Variants in SLC9C1 observed in about 807,000 individuals in gnomAD.
SLC9C1 encodes the protein solute carrier family 9 member C1.
Under a neutral mutation model 140.9 loss-of-function variants are expected in SLC9C1, and 97 were observed. That is an observed-to-expected ratio of 0.69 (90% CI 0.58 to 0.82). The LOEUF (loss-of-function observed/expected upper bound fraction) is 0.82. SLC9C1 is among the 40% of genes least tolerant of loss of function. The pLI is 0.00. For missense variants in SLC9C1, 1,340 were observed against 1,389.3 expected (o/e 0.96, Z 0.56); for synonymous variants, 440 against 442.6 (o/e 0.99, Z 0.07).
chr3:112,200,610 G>T, intron 19 of SLC9C1, 101 bp downstream of exon 19: 1 of 1,001,262 alleles, frequency 1.0e-6, no homozygotes, highest in Non-Finnish European at 1.5e-6. Context: ...TTGTTAGTGA[G>T]TAGGTTTCCT....
At chr3:112,224,288 C>G (rs867846354) in intron 13 of SLC9C1, among the ~76,000 whole-genome samples, 2 of 152,310 alleles carry the variant, frequency 1.3e-5, no homozygotes, top group Non-Finnish European at 1.5e-5. Flanking sequence ...CCCTACCCAA[C>G]TGACACCCTG....
intron 10 of SLC9C1, 83 bp downstream of exon 10, chr3:112,262,841 C>G: frequency 8.5e-7 from 1 of 1,173,074 alleles, no homozygotes; most frequent in Non-Finnish European, 1.1e-6. Flanking sequence ...AGTTGAGCTA[C>G]CTCACTACAA....
At chr3:112,285,056 G>T (rs1374831245) in intron 2 of SLC9C1, among the ~76,000 whole-genome samples, 1 of 128,918 alleles carries the variant, frequency 7.8e-6, no homozygotes, top group Non-Finnish European at 1.5e-5. Flanking sequence ...GCATGATCTC[G>T]GCTCACTGCA....
intron 28 of SLC9C1, among the ~76,000 whole-genome samples, chr3:112,150,840 A>ATATT (rs1331641000): frequency 1.2e-4 from 7 of 57,322 alleles, no homozygotes; most frequent in Middle Eastern, 7.7e-3. Context: ...ATATATATAT[A>ATATT]TTTTTTTTTT....
rs764165486 is a variant in SLC9C1, at chr3:112,202,419, C to A, written c.2173-20G>T. On this transcript the variant is annotated intron_variant, in intron 17 of 28. Coordinates refer to ENST00000305815, the MANE Select transcript of SLC9C1 (RefSeq NM_183061.3). ...TATGAGCTGAATTAAACAGGACTTC[C>A]ATTAATATAAATTGCACAAATATCA... 10 of 1,563,726 alleles carry A rather than the reference C, an allele frequency of 6.4e-6. No homozygotes were observed. The highest frequency in any genetic ancestry group is 4.1e-4 in the Middle Eastern group (2 of 4,874).
intron 20 of SLC9C1, among the ~76,000 whole-genome samples, chr3:112,197,825 A>G (rs2077805369): frequency 6.6e-6 from 1 of 152,160 alleles, no homozygotes; most frequent in African/African-American, 2.4e-5. Flanking sequence ...AATTTTAATT[A>G]AGGTTTATTA....
At chr3:112,206,014 A>C (rs1372006268) in intron 16 of SLC9C1, among the ~76,000 whole-genome samples, 1 of 110,038 alleles carries the variant, frequency 9.1e-6, no homozygotes, top group Non-Finnish European at 2.0e-5. Flanking sequence ...GATCTAATTA[A>C]ACTAAAGAGC....
intron 10 of SLC9C1, among the ~76,000 whole-genome samples, chr3:112,253,049 A>G (rs2079507709): frequency 2.6e-5 from 4 of 152,192 alleles, no homozygotes; most frequent in Admixed American, 2.0e-4. Flanking sequence ...CTGCCAGCAT[A>G]CCACAGCATC....
chr3:112,170,949 C>T (rs1469613914), intron 23 of SLC9C1, among the ~76,000 whole-genome samples: 1 of 152,226 alleles, frequency 6.6e-6, no homozygotes, highest in African/African-American at 2.4e-5. Context: ...CGTGGTGGCT[C>T]ATGCCTGTAA....
At chr3:112,161,854 C>T (rs1391408723) in intron 26 of SLC9C1, among the ~76,000 whole-genome samples, 1 of 149,658 alleles carries the variant, frequency 6.7e-6, no homozygotes, top group Admixed American at 6.7e-5. Context: ...TGTAAATTAC[C>T]TTGGGCAGTA....
Position 112,180,670 on chromosome 3 carries a change from A to T in SLC9C1, c.2650-8T>A, listed in dbSNP as rs201300522. ...TACAACTTTGGCTTTTTCCTAAAAG[A>T]TACCACCAAATACATAAACTATAAA... On this transcript the variant is annotated splice_region_variant and splice_polypyrimidine_tract_variant and intron_variant, in intron 21 of 28. Coordinates refer to ENST00000305815, the MANE Select transcript of SLC9C1 (RefSeq NM_183061.3). The T allele has an allele frequency of 1.3e-6, 2 of 1,571,152 alleles. No homozygotes were observed. The highest frequency in any genetic ancestry group is 1.7e-6 in the Non-Finnish European group (2 of 1,145,504).
In SLC9C1 at chr3:112,173,233, T is replaced by TA. The variant is rs886936919; in HGVS notation, c.2920-3906dup. Reference sequence around the variant, plus strand: ...AAAATCTCAGTATGTATAGTACTATTAAAAAGTTCTAGTCCTTAAGTAAAT... The same window carrying TA: ...AAAATCTCAGTATGTATAGTACTATTAAAAAAGTTCTAGTCCTTAAGTAAAT... On this transcript the variant is annotated intron_variant, in intron 23 of 28. Coordinates refer to ENST00000305815, the MANE Select transcript of SLC9C1 (RefSeq NM_183061.3). Among the ~76,000 whole-genome samples the TA allele has an allele frequency of 2.4e-4, 36 of 152,234 alleles. 2 individuals carry two copies. Among genetic ancestry groups the TA allele is most frequent in the Non-Finnish European group, 4.4e-5 (3 of 68,024 alleles).
intron 21 of SLC9C1, among the ~76,000 whole-genome samples, chr3:112,181,050 C>T (rs189419985): frequency 6.6e-6 from 1 of 152,254 alleles, no homozygotes; most frequent in Non-Finnish European, 1.5e-5. Flanking sequence ...GCCACCATAC[C>T]CGGCCTAAAA....
intron 20 of SLC9C1, among the ~76,000 whole-genome samples, chr3:112,182,676 T>A (rs1337746683): frequency 6.6e-6 from 1 of 152,162 alleles, no homozygotes; most frequent in Non-Finnish European, 1.5e-5. Context: ...AAATGTTCAC[T>A]CAAAGAATAT....
intron 20 of SLC9C1, among the ~76,000 whole-genome samples, chr3:112,186,194 CTT>C (rs145440925): frequency 6.5e-4 from 99 of 152,134 alleles, no homozygotes; most frequent in African/African-American, 2.3e-3. Flanking sequence ...TTTTAGTTCT[CTT>C]AATTTTTTAA....
At chr3:112,242,577 C>CA (rs1257499697) in intron 11 of SLC9C1, among the ~76,000 whole-genome samples, 2 of 151,786 alleles carry the variant, frequency 1.3e-5, no homozygotes, top group Non-Finnish European at 2.9e-5. Flanking sequence ...TTAATGCATT[C>CA]AAAAAATAGA....
At chr3:112,285,623 T>A (rs114895156) in intron 2 of SLC9C1, among the ~76,000 whole-genome samples, 1 of 152,262 alleles carries the variant, frequency 6.6e-6, no homozygotes, top group Non-Finnish European at 1.5e-5. Flanking sequence ...CTGCATAATT[T>A]CAGCTTGCAT....
intron 26 of SLC9C1, among the ~76,000 whole-genome samples, chr3:112,163,500 T>C (rs2075369352): frequency 6.6e-6 from 1 of 151,940 alleles, no homozygotes; most frequent in Admixed American, 6.6e-5. Context: ...TCAAAGAACA[T>C]CTTTATTTCT....
chr3:112,169,199 C>G lies in SLC9C1; in HGVS notation c.3049G>C (p.Glu1017Gln). ...ARKIREHLSYEDWNYNMQLKL... is the reference protein window; with the variant it reads ...ARKIREHLSYQDWNYNMQLKL... Reference sequence around the variant, plus strand: ...AAGTTTATACAAGCACTTCCTACCTCATAAGATAAGTGTTCTCTGATTTTT... The same window carrying G: ...AAGTTTATACAAGCACTTCCTACCTGATAAGATAAGTGTTCTCTGATTTTT... The change falls in exon 24 of 29, where the codon GAG becomes CAG. Residue 1017 changes from glutamate (E) to glutamine (Q), a missense_variant and splice_region_variant. Transcript: ENST00000305815. 1 of 1,611,182 alleles carries G rather than the reference C, an allele frequency of 6.2e-7. No homozygotes were observed. The highest frequency in any genetic ancestry group is 8.5e-7 in the Non-Finnish European group (1 of 1,179,164).
Sources: allele counts gnomAD v4.1 joint callset (sites outside exome capture counted in the v4.1 genomes callset), GRCh38; gene constraint gnomAD v4.1.1; transcripts MANE v1.5; gene names NCBI Gene and HGNC (gene_info 2026-07-23, HGNC 2026-07-21).